HCN1: variants seen among roughly 807,000 people sequenced by gnomAD.
HCN1 encodes potassium/sodium hyperpolarization-activated cyclic nucleotide-gated channel 1.
HCN1 carries 13 observed loss-of-function variants against 78.9 expected under a neutral mutation model. That is an observed-to-expected ratio of 0.16 (90% CI 0.11 to 0.26). The LOEUF (loss-of-function observed/expected upper bound fraction) is 0.26. HCN1 is among the 10% of genes least tolerant of loss of function. HCN1 has a pLI of 1.00. For missense variants in HCN1, 810 were observed against 1,154.3 expected (o/e 0.70, Z 4.32); for synonymous variants, 552 against 455.5 (o/e 1.21, Z -2.70).
chr5:45,645,119 A>C (rs1745524377), intron 2 of HCN1, 66 bp downstream of exon 2: 1 of 1,222,270 alleles, frequency 8.2e-7, no homozygotes, highest in Admixed American at 1.8e-5. Context: ...ACAGTTGTTC[A>C]TTGTAAAACA....
intron 2 of HCN1, among the ~76,000 whole-genome samples, chr5:45,634,772 G>C (rs1745330212): frequency 6.6e-6 from 1 of 151,950 alleles, no homozygotes; most frequent in South Asian, 2.1e-4. Context: ...ATAAAAATGA[G>C]AAAATATGTT....
intron 2 of HCN1, among the ~76,000 whole-genome samples, chr5:45,583,008 A>G (rs533937130): frequency 3.4e-4 from 51 of 151,376 alleles, no homozygotes; most frequent in African/African-American, 1.2e-3. Context: ...TGTCTCTGCC[A>G]GGGTTTGGTA....
In HCN1 at chr5:45,255,107, C is replaced by G. The variant is rs1319023645; in HGVS notation, c.*6814G>C. On this transcript the variant is annotated 3_prime_UTR_variant, in exon 8 of 8. Coordinates refer to ENST00000303230, the MANE Select transcript of HCN1 (RefSeq NM_021072.4). ...GACATAAGGAAATTATAATACCTAA[C>G]ACATATTAGTTTTCTCTTCCCTGGT... 1 of 152,186 alleles carries G rather than the reference C, an allele frequency of 6.6e-6. No homozygotes were observed. Among genetic ancestry groups the G allele is most frequent in the East Asian group, 1.9e-4 (1 of 5,198 alleles). The allele number at this position is 152,186 out of a possible 1,614,324, so 9.4% of individuals were successfully genotyped here.
At chr5:45,333,239 T>C (rs926791648) in intron 5 of HCN1, among the ~76,000 whole-genome samples, 1 of 151,884 alleles carries the variant, frequency 6.6e-6, no homozygotes. Flanking sequence ...TGATGACCAA[T>C]GATGATGAAC....
intron 2 of HCN1, among the ~76,000 whole-genome samples, chr5:45,599,200 A>T (rs1429757582): frequency 6.6e-6 from 1 of 152,194 alleles, no homozygotes; most frequent in Non-Finnish European, 1.5e-5. Context: ...AAAATGTGGC[A>T]TGTGTACACC....
At chr5:45,667,618 T>A (rs1746075136) in intron 1 of HCN1, among the ~76,000 whole-genome samples, 1 of 151,962 alleles carries the variant, frequency 6.6e-6, no homozygotes. Context: ...TGAAAGAAAA[T>A]CATGCCTAGG....
chr5:45,627,018 T>C (rs1425875600), intron 2 of HCN1, among the ~76,000 whole-genome samples: 4 of 151,764 alleles, frequency 2.6e-5, no homozygotes, highest in Non-Finnish European at 5.9e-5. Flanking sequence ...TATGTGTGTG[T>C]ACATATATAT....
rs73099502 is a variant in HCN1 at position 45,404,053 on chromosome 5, C to T, written c.1012-7343G>A. Reference sequence around the variant, plus strand: ...GGTTTTTTTGCCCCACTTCGGGCATCCTGTTTGCCTTATTTTAATCTACTA... The same window carrying T: ...GGTTTTTTTGCCCCACTTCGGGCATTCTGTTTGCCTTATTTTAATCTACTA... On this transcript the variant is annotated intron_variant, in intron 3 of 7. Coordinates refer to ENST00000303230, the MANE Select transcript of HCN1 (RefSeq NM_021072.4). Among the ~76,000 whole-genome samples the T allele has an allele frequency of 8.5e-3, 1,301 of 152,224 alleles. 25 individuals are homozygous for T. Among genetic ancestry groups the T allele is most frequent in the African/African-American group, 0.031 (1,274 of 41,540 alleles).
At chr5:45,453,017 G>C (rs966046820) in intron 3 of HCN1, among the ~76,000 whole-genome samples, 29 of 151,970 alleles carry the variant, frequency 1.9e-4, no homozygotes, top group African/African-American at 7.0e-4. Context: ...GTATAAAGCA[G>C]GAGGGATAAA....
At chr5:45,394,901 T>C (rs1191046631) in intron 4 of HCN1, among the ~76,000 whole-genome samples, 1 of 152,204 alleles carries the variant, frequency 6.6e-6, no homozygotes, top group Non-Finnish European at 1.5e-5. Flanking sequence ...ACTAGTTTTC[T>C]TGTCCTCTAT....
chr5:45,345,627 T>C (rs568198135), intron 5 of HCN1, among the ~76,000 whole-genome samples: 1 of 152,208 alleles, frequency 6.6e-6, no homozygotes, highest in Non-Finnish European at 1.5e-5. Flanking sequence ...ATAACAAGAG[T>C]CACCTTTGCT....
intron 4 of HCN1, among the ~76,000 whole-genome samples, chr5:45,380,720 CT>C (rs979849992): frequency 1.3e-5 from 2 of 151,990 alleles, no homozygotes; most frequent in African/African-American, 4.8e-5. Context: ...TTTGTTAGAC[CT>C]GTAGTTCCCA....
At chr5:45,480,375 A>C (rs1292537131) in intron 2 of HCN1, among the ~76,000 whole-genome samples, 2 of 152,220 alleles carry the variant, frequency 1.3e-5, no homozygotes, top group Non-Finnish European at 2.9e-5. Context: ...AACTTGACAT[A>C]ACTCTAGCTT....
chr5:45,347,525 G>C lies in HCN1; in HGVS notation c.1377+5575C>G, dbSNP rs569396490. On this transcript the variant is annotated intron_variant, in intron 5 of 7. Coordinates refer to ENST00000303230, the MANE Select transcript of HCN1 (RefSeq NM_021072.4). ...ACAAAGCTGGATGGAGAATGACTTT[G>C]ATGAGTTGAGAGAAGAAGGCTTCAG... Among the ~76,000 whole-genome samples, 88 of 152,348 alleles carry C rather than the reference G, an allele frequency of 5.8e-4. 2 individuals carry two copies. The South Asian group carries it at 7.0e-3, about 12-fold the overall frequency.
Position 45,255,707 on chromosome 5 carries a change from T to A in HCN1, c.*6214A>T, listed in dbSNP as rs1291659477. On this transcript the variant is annotated 3_prime_UTR_variant, in exon 8 of 8. Coordinates refer to ENST00000303230, the MANE Select transcript of HCN1 (RefSeq NM_021072.4). ...AAATGAGAATACATTTGGAAAACTCTTTTTGAATCTTTCAAATTTCTTTGG... is the reference window on the plus strand; with the variant it reads ...AAATGAGAATACATTTGGAAAACTCATTTTGAATCTTTCAAATTTCTTTGG... 3.3e-5 allele frequency: 5 copies of A among 152,352 alleles called. No individual in the cohort carries two copies. The East Asian group carries it at 9.6e-4, about 29-fold the overall frequency. The allele number at this position is 152,352 out of a possible 1,614,324, so 9.4% of individuals were successfully genotyped here. A position where few individuals can be genotyped will look rare whatever the true frequency, so the allele number is the denominator to read the frequency against.
chr5:45,289,438 C>T (rs1745330227), intron 6 of HCN1, among the ~76,000 whole-genome samples: 1 of 151,988 alleles, frequency 6.6e-6, no homozygotes, highest in South Asian at 2.1e-4. Context: ...CTTTTGTCTC[C>T]TAGACTCCAC....
intron 5 of HCN1, among the ~76,000 whole-genome samples, chr5:45,322,664 G>C (rs1746147314): frequency 6.6e-6 from 1 of 151,766 alleles, no homozygotes; most frequent in African/African-American, 2.4e-5. Context: ...ATAAACTTTT[G>C]ATTGCAACCT....
rs114820992 is a variant in HCN1 at position 45,626,293 on chromosome 5, A to G, written c.849+18892T>C. Among the ~76,000 whole-genome samples, 1,136 of 152,178 alleles carry G rather than the reference A, an allele frequency of 7.5e-3. 5 individuals carry two copies. The highest frequency in any genetic ancestry group is 0.054 in the Middle Eastern group (16 of 294). The stretch of plus-strand genomic sequence containing the variant: ...AAATAATTATATAACTATTTAGACC[A>G]CCTCTTCTGAATATTGACGTGGAAA... On this transcript the variant is annotated intron_variant, in intron 2 of 7. Transcript: ENST00000303230.
At chr5:45,354,759 C>T (rs1487705536) in intron 4 of HCN1, among the ~76,000 whole-genome samples, 2 of 152,012 alleles carry the variant, frequency 1.3e-5, no homozygotes, top group Non-Finnish European at 2.9e-5. Flanking sequence ...GGCCTATGTA[C>T]ATCTCTCTGA....
Sources: gnomAD v4.1 joint callset for allele counts (sites outside exome capture counted in the v4.1 genomes callset) on GRCh38, gnomAD v4.1.1 for gene constraint, MANE v1.5 for transcripts, NCBI Gene and HGNC (gene_info 2026-07-23, HGNC 2026-07-21) for gene names.